The following PCDH15 variants were observed in gnomAD, a reference collection of about 807,000 sequenced individuals.
The protein encoded by PCDH15 is protocadherin related 15.
PCDH15 carries 129 observed loss-of-function variants against 178.5 expected under a neutral mutation model. The observed-to-expected ratio is 0.72, with a 90% CI of 0.63 to 0.84. PCDH15 has a LOEUF of 0.84. Ranked by LOEUF, PCDH15 falls within the 40% of genes least tolerant of loss-of-function variation. The pLI, the probability that PCDH15 is intolerant of heterozygous loss-of-function variation, is 0.00. For missense variants in PCDH15, 2,230 were observed against 2,099.9 expected (o/e 1.06, Z -1.21); for synonymous variants, 800 against 732.0 (o/e 1.09, Z -1.50).
intron 3 of PCDH15, among the ~76,000 whole-genome samples, chr10:54,852,651 G>C (rs577192035): frequency 1.3e-5 from 2 of 151,956 alleles, no homozygotes; most frequent in South Asian, 2.1e-4. Flanking sequence ...AGGAGTTCAA[G>C]ACCAACTTGG....
chr10:54,079,298 T>C (rs766194645), intron 17 of PCDH15, 33 bp downstream of exon 17: 1 of 1,594,192 alleles, frequency 6.3e-7, no homozygotes, highest in South Asian at 1.1e-5. Context: ...CTTAATACTA[T>C]TTTTAAAACC....
intron 30 of PCDH15, among the ~76,000 whole-genome samples, 183 bp from the exon 31 acceptor site, chr10:53,828,756 T>C (rs151225877): frequency 6.6e-6 from 1 of 152,262 alleles, no homozygotes; most frequent in East Asian, 1.9e-4. Flanking sequence ...ATAGTATCGT[T>C]ACCGTTAGAG....
chr10:54,168,052 C>T (rs1285183556), intron 13 of PCDH15, among the ~76,000 whole-genome samples: 1 of 151,922 alleles, frequency 6.6e-6, no homozygotes, highest in East Asian at 1.9e-4. Flanking sequence ...CTCCCTTGGC[C>T]TGTGTTCTCA....
intron 1 of PCDH15, among the ~76,000 whole-genome samples, chr10:54,756,264 G>T (rs7899954): frequency 0.5 from 75,845 of 151,406 alleles, 19,536 homozygotes; most frequent in Middle Eastern, 0.68. Context: ...AAATAAAAAA[G>T]TAAAAAATAA....
chr10:55,461,288 C>T (rs1354606887), intron 2 of PCDH15, among the ~76,000 whole-genome samples: 4 of 152,114 alleles, frequency 2.6e-5, no homozygotes, highest in African/African-American at 9.7e-5. Context: ...CCTCCCTGCA[C>T]CACTGTCTAC....
At chr10:54,928,065 G>A (rs1232498038) in intron 2 of PCDH15, among the ~76,000 whole-genome samples, 2 of 152,032 alleles carry the variant, frequency 1.3e-5, no homozygotes, top group Non-Finnish European at 2.9e-5. Flanking sequence ...TTCTTGTAGT[G>A]GCTTGTAACA....
intron 1 of PCDH15, among the ~76,000 whole-genome samples, chr10:55,200,231 C>T (rs72801700): frequency 0.12 from 17,620 of 152,174 alleles, 1,456 homozygotes; most frequent in Non-Finnish European, 0.17. Context: ...CTGTCCAAGG[C>T]CTTGGGGGCC....
chr10:55,239,053 A>G (rs1841475777), intron 1 of PCDH15, among the ~76,000 whole-genome samples: 3 of 152,006 alleles, frequency 2.0e-5, no homozygotes, highest in African/African-American at 7.3e-5. Flanking sequence ...TATATCCATG[A>G]TTTTTATTTA....
At chr10:55,616,581 T>G (rs985907930) in intron 2 of PCDH15, among the ~76,000 whole-genome samples, 2 of 151,702 alleles carry the variant, frequency 1.3e-5, no homozygotes, top group Non-Finnish European at 2.9e-5. Context: ...AAATAAGGTG[T>G]GTCCCTAACC....
intron 1 of PCDH15, among the ~76,000 whole-genome samples, chr10:54,752,156 A>G (rs1946314289): frequency 6.6e-6 from 1 of 152,156 alleles, no homozygotes; most frequent in African/African-American, 2.4e-5. Context: ...GAATTTGTCT[A>G]AGGCTAACAC....
At chr10:55,449,804 A>C (rs921385264) in intron 2 of PCDH15, among the ~76,000 whole-genome samples, 2 of 151,958 alleles carry the variant, frequency 1.3e-5, no homozygotes, top group African/African-American at 2.4e-5. Context: ...TGGGTCATAG[A>C]TTCTGTTTTT....
chr10:54,245,684 A>G (rs1204414213), intron 8 of PCDH15, among the ~76,000 whole-genome samples: 2 of 152,076 alleles, frequency 1.3e-5, no homozygotes, highest in Non-Finnish European at 2.9e-5. Context: ...TGTTGAAGGC[A>G]TGAGGAGATG....
In PCDH15 at chr10:53,823,368, AAAG is replaced by A. The variant is rs757760070; in HGVS notation, c.4368-3141_4368-3139del. The A allele has an allele frequency of 1.9e-6, 3 of 1,608,986 alleles. No homozygotes were observed. Among genetic ancestry groups the A allele is most frequent in the African/African-American group, 1.3e-5 (1 of 74,920 alleles). ...GTAGAGAAGGAAAAGACTTGAAAGA[AAAG>A]AAGATAATGAAATGTAAGGAAACAA... On this transcript the variant is annotated intron_variant, in intron 32 of 37. Coordinates refer to ENST00000644397, the MANE Select transcript of PCDH15 (RefSeq NM_001384140.1).
chr10:54,610,523 A>G (rs564032329), intron 2 of PCDH15, among the ~76,000 whole-genome samples: 2 of 152,036 alleles, frequency 1.3e-5, no homozygotes, highest in Admixed American at 1.3e-4. Flanking sequence ...GTGTTGATTC[A>G]AAAATCTATA....
intron 1 of PCDH15, among the ~76,000 whole-genome samples, chr10:55,263,640 A>G (rs1180265099): frequency 2.0e-5 from 3 of 151,982 alleles, no homozygotes; most frequent in Non-Finnish European, 4.4e-5. Flanking sequence ...GAAGGATGTA[A>G]GGATTAGAGG....
At chr10:55,440,698 A>G (rs993470883) in intron 2 of PCDH15, among the ~76,000 whole-genome samples, 8 of 152,166 alleles carry the variant, frequency 5.3e-5, no homozygotes, top group African/African-American at 1.9e-4. Flanking sequence ...AGAGGCCAGG[A>G]GTAAAAAGCA....
At chr10:54,329,940 A>T (rs569215058) in intron 6 of PCDH15, among the ~76,000 whole-genome samples, 1 of 151,942 alleles carries the variant, frequency 6.6e-6, no homozygotes, top group African/African-American at 2.4e-5. Flanking sequence ...GTTTCTTGTC[A>T]TAGTTTTTAA....
At chr10:53,844,975 C>G (rs1314577658) in intron 28 of PCDH15, among the ~76,000 whole-genome samples, 2 of 151,792 alleles carry the variant, frequency 1.3e-5, no homozygotes, top group Admixed American at 6.6e-5. Flanking sequence ...TGCAAACTAT[C>G]CAATCAACAA....
At chr10:54,957,461 AC>A (rs796575154) in intron 2 of PCDH15, among the ~76,000 whole-genome samples, 7 of 151,744 alleles carry the variant, frequency 4.6e-5, no homozygotes, top group African/African-American at 1.7e-4. Flanking sequence ...TTTTTCCTCC[AC>A]TTTCAAACAG....
Sources: gnomAD v4.1 joint callset for allele counts (sites outside exome capture counted in the v4.1 genomes callset) on GRCh38, gnomAD v4.1.1 for gene constraint, MANE v1.5 for transcripts, NCBI Gene and HGNC (gene_info 2026-07-23, HGNC 2026-07-21) for gene names.